Variants in RBFOX3 observed in about 807,000 individuals in gnomAD.
The protein encoded by RBFOX3 is RNA binding fox-1 homolog 3.
In RBFOX3, 17 loss-of-function variants were observed where a neutral mutation model predicts 48.7. The observed-to-expected ratio is 0.35, with a 90% confidence interval of 0.24 to 0.52. RBFOX3 has a LOEUF of 0.52. Among genes scored for constraint, RBFOX3 ranks in the 20% least tolerant of loss-of-function variants. RBFOX3 has a pLI of 0.94. For missense variants in RBFOX3, 382 were observed against 497.5 expected (o/e 0.77, Z 2.21); for synonymous variants, 212 against 209.5 (o/e 1.01, Z -0.10).
intron 3 of RBFOX3, among the ~76,000 whole-genome samples, chr17:79,241,932 T>A (rs2062439661): frequency 6.6e-6 from 1 of 152,186 alleles, no homozygotes; most frequent in Admixed American, 6.5e-5. Context: ...AAAGGTCCCA[T>A]CTCCAGATAT....
At chr17:79,240,089 G>A (rs2062142985) in intron 3 of RBFOX3, among the ~76,000 whole-genome samples, 1 of 152,132 alleles carries the variant, frequency 6.6e-6, no homozygotes, top group African/African-American at 2.4e-5. Flanking sequence ...TCAAGGACAT[G>A]TGATTCTGTC....
intron 4 of RBFOX3, among the ~76,000 whole-genome samples, chr17:79,225,278 C>T (rs1289885261): frequency 6.8e-6 from 1 of 146,842 alleles, no homozygotes; most frequent in East Asian, 2.1e-4. Context: ...CACTGCTGTC[C>T]CCTCCCTCCA....
At chr17:79,093,633 C>T (rs1310025493) in intron 14 of RBFOX3, among the ~76,000 whole-genome samples, 1 of 152,132 alleles carries the variant, frequency 6.6e-6, no homozygotes, top group Non-Finnish European at 1.5e-5. Context: ...CCTCCCTCCT[C>T]ACTCTCCCAA....
At position 79,111,805 on chromosome 17, in the gene RBFOX3, G is replaced by A. The variant is rs1172837955; in HGVS notation, c.222+3689C>T. On this transcript the variant is annotated intron_variant, in intron 5 of 14. Transcript: ENST00000693108. The surrounding 1 kb of genome is among the most constrained non-coding windows in gnomAD (Gnocchi z 4.2). Reference sequence around the variant, plus strand: ...ACAGTACTGGCACCTGCGTGACCCCGAGTGAGTGAATACATGCTCCAGATG... The same window carrying A: ...ACAGTACTGGCACCTGCGTGACCCCAAGTGAGTGAATACATGCTCCAGATG... 6.6e-6 allele frequency among the ~76,000 whole-genome samples: 1 copy of A among 152,222 alleles called. No homozygotes were observed. Among genetic ancestry groups the A allele is most frequent in the African/African-American group, 2.4e-5 (1 of 41,466 alleles).
At chr17:79,176,798 G>A (rs979739529) in intron 4 of RBFOX3, among the ~76,000 whole-genome samples, 5 of 152,156 alleles carry the variant, frequency 3.3e-5, no homozygotes, top group Admixed American at 2.0e-4. Context: ...AATTAGGCAG[G>A]GAGGGAAGAA....
chr17:79,239,952 G>A (rs972993194), intron 3 of RBFOX3, among the ~76,000 whole-genome samples: 2 of 152,184 alleles, frequency 1.3e-5, no homozygotes, highest in Admixed American at 1.3e-4. Context: ...CTTTTCTCAT[G>A]TTCTCCCTTT....
chr17:79,354,871 G>C (rs1401939034), intron 2 of RBFOX3, among the ~76,000 whole-genome samples: 1 of 152,200 alleles, frequency 6.6e-6, no homozygotes, highest in Non-Finnish European at 1.5e-5. Flanking sequence ...TTTTTGCAAG[G>C]TATCCTTGAT....
At chr17:79,658,945 A>T in the RBFOX3 span, among the ~76,000 whole-genome samples, 1 of 152,156 alleles carries the variant, frequency 6.6e-6, no homozygotes, top group African/African-American at 2.4e-5. Flanking sequence ...TAGAAAACAC[A>T]CTCACATCTC....
At chr17:79,377,328 C>T (rs1291300123) in intron 2 of RBFOX3, among the ~76,000 whole-genome samples, 1 of 152,186 alleles carries the variant, frequency 6.6e-6, no homozygotes, top group Non-Finnish European at 1.5e-5. Flanking sequence ...CACGGAGACA[C>T]AGGCACTCTT....
intron 3 of RBFOX3, among the ~76,000 whole-genome samples, chr17:79,264,877 C>T (rs939644548): frequency 1.3e-5 from 2 of 151,812 alleles, no homozygotes; most frequent in East Asian, 3.9e-4. Context: ...CTCCCCTGTA[C>T]GGTTCTGCAG....
chr17:79,349,879 C>T (rs1285106579), intron 2 of RBFOX3, among the ~76,000 whole-genome samples: 2 of 151,716 alleles, frequency 1.3e-5, no homozygotes, highest in Middle Eastern at 3.4e-3. Context: ...GGGGCAGGCA[C>T]GGCCATGATC....
chr17:79,096,745 C>A lies in RBFOX3; in HGVS notation c.844G>T (p.Ala282Ser), dbSNP rs1568117949. The change falls in exon 12 of 15, where the codon GCC becomes TCC. Residue 282 changes from alanine to serine, a missense_variant. Around this residue, in one of 3 missense-constraint regions of RBFOX3, gnomAD observed 215 missense variants for 254.8 expected, o/e 0.84. Transcript: ENST00000693108. The stretch of plus-strand genomic sequence containing the variant: ...GGGAACGCTGGAGAGGTGGGGTAGG[C>A]CGGCTCCGGTGTCTGCTGAGGAGGG... Reference protein sequence around the residue: ...PLPPQQTPEPAYPTSPAFPPL... With the variant: ...PLPPQQTPEPSYPTSPAFPPL... 1 of 1,520,094 alleles carries A rather than the reference C, an allele frequency of 6.6e-7. No homozygotes were observed. The highest frequency in any genetic ancestry group is 8.9e-7 in the Non-Finnish European group (1 of 1,118,478). The allele number at this position is 1,520,094 out of a possible 1,614,324, so 94.2% of individuals were successfully genotyped here. A position where few individuals can be genotyped will look rare whatever the true frequency, so the allele number is the denominator to read the frequency against.
At chr17:79,133,522 C>T (rs939209088) in intron 4 of RBFOX3, among the ~76,000 whole-genome samples, 2 of 152,182 alleles carry the variant, frequency 1.3e-5, no homozygotes, top group Middle Eastern at 3.2e-3. Flanking sequence ...GTCTTCCCTC[C>T]TCTAATCCTC....
At chr17:79,432,294 C>A (rs1598664316) in intron 2 of RBFOX3, among the ~76,000 whole-genome samples, 1 of 152,250 alleles carries the variant, frequency 6.6e-6, no homozygotes, top group Non-Finnish European at 1.5e-5. Flanking sequence ...TGCTTCCAAC[C>A]CTGTTGGGTG....
Position 79,363,067 on chromosome 17 carries a change from C to T in RBFOX3, c.-174-55243G>A. Among the ~76,000 whole-genome samples, 1 of 152,180 alleles carries T rather than the reference C, an allele frequency of 6.6e-6. No individual in the cohort carries two copies. The highest frequency in any genetic ancestry group is 2.1e-4 in the South Asian group (1 of 4,828). Reference sequence around the variant, plus strand: ...TTACGGGAAAGTAAAAATTCAGAGGCATGACGCTTGCACATGCGAGGTTTC... The same window carrying T: ...TTACGGGAAAGTAAAAATTCAGAGGTATGACGCTTGCACATGCGAGGTTTC... On this transcript the variant is annotated intron_variant, in intron 2 of 14. Coordinates refer to ENST00000693108, the MANE Select transcript of RBFOX3 (RefSeq NM_001350451.2). The surrounding 1 kb of genome is among the most constrained non-coding windows in gnomAD (Gnocchi z 4.7).
chr17:79,343,922 C>T (rs547019133), intron 2 of RBFOX3, among the ~76,000 whole-genome samples: 96 of 152,286 alleles, frequency 6.3e-4, no homozygotes, highest in African/African-American at 2.3e-3. Context: ...GCCCACAGGT[C>T]GGCTGCATGC....
chr17:79,429,601 C>T (rs1555727381), intron 2 of RBFOX3, among the ~76,000 whole-genome samples: 1 of 152,094 alleles, frequency 6.6e-6, no homozygotes, highest in Non-Finnish European at 1.5e-5. Flanking sequence ...CTCAAGGGGG[C>T]ACCTGGGGAG....
At chr17:79,297,296 A>G (rs2074547025) in intron 3 of RBFOX3, among the ~76,000 whole-genome samples, 1 of 152,162 alleles carries the variant, frequency 6.6e-6, no homozygotes, top group African/African-American at 2.4e-5. Flanking sequence ...CCTCCCAGGC[A>G]GGCTTATCTA....
chr17:79,449,217 T>C (rs2072979225), intron 2 of RBFOX3, among the ~76,000 whole-genome samples: 1 of 151,990 alleles, frequency 6.6e-6, no homozygotes, highest in Non-Finnish European at 1.5e-5. Context: ...TTTCAGCTTC[T>C]ATGAAGAAAA....
Sources: allele counts gnomAD v4.1 joint callset (sites outside exome capture counted in the v4.1 genomes callset), GRCh38; gene constraint gnomAD v4.1.1; regional missense constraint gnomAD v4.1.1; non-coding constraint Gnocchi (gnomAD v3.1); transcripts MANE v1.5; gene names NCBI Gene and HGNC (gene_info 2026-07-23, HGNC 2026-07-21).